The following GARIN1A variants were observed in gnomAD, a reference collection of about 807,000 sequenced individuals.
GARIN1A encodes the protein Golgi-associated RAB2 interactor protein 1A.
the GARIN1A span, among the ~76,000 whole-genome samples, chr7:128,673,926 G>T: frequency 6.6e-5 from 10 of 151,092 alleles, no homozygotes; most frequent in African/African-American, 2.4e-4. Flanking sequence ...CTTTTTTTTT[G>T]AGATGGAGTC....
chr7:128,681,757 C>T, the GARIN1A span, among the ~76,000 whole-genome samples: 1 of 151,978 alleles, frequency 6.6e-6, no homozygotes, highest in Non-Finnish European at 1.5e-5. Flanking sequence ...CCTACCTTGA[C>T]CTCCTAAAGT....
the GARIN1A span, among the ~76,000 whole-genome samples, chr7:128,681,897 C>A: frequency 6.6e-6 from 1 of 150,586 alleles, no homozygotes; most frequent in Non-Finnish European, 1.5e-5. Flanking sequence ...CCCCACAACC[C>A]CCCTGGCCAT....
At chr7:128,696,664 C>CA in the GARIN1A span, among the ~76,000 whole-genome samples, 8 of 151,278 alleles carry the variant, frequency 5.3e-5, no homozygotes, top group Non-Finnish European at 1.0e-4. Context: ...GACCCTGTCT[C>CA]AAAAAAAAGA....
chr7:128,678,419 T>G, the GARIN1A span, among the ~76,000 whole-genome samples: 83 of 152,310 alleles, frequency 5.4e-4, no homozygotes, highest in African/African-American at 1.9e-3. Context: ...GAAGTAGAAT[T>G]CAAACAGCAT....
At chr7:128,697,647 G>GC in the GARIN1A span, 2 of 153,460 alleles carry the variant, frequency 1.3e-5, no homozygotes, top group Non-Finnish European at 2.9e-5. Context: ...CTCCGTCGCA[G>GC]CCCGGGACCT....
At chr7:128,672,289 G>A in the GARIN1A span, 11 of 910,992 alleles carry the variant, frequency 1.2e-5, no homozygotes, top group African/African-American at 1.7e-4. Context: ...TAAGTAAATG[G>A]GGAGGAAATG....
At chr7:128,672,652 G>A in the GARIN1A span, 6 of 723,116 alleles carry the variant, frequency 8.3e-6, no homozygotes, top group South Asian at 1.1e-4. Flanking sequence ...CTGGGGGAGG[G>A]GGGGGCGGGG....
the GARIN1A span, among the ~76,000 whole-genome samples, chr7:128,682,722 C>A: frequency 6.6e-6 from 1 of 152,058 alleles, no homozygotes; most frequent in Non-Finnish European, 1.5e-5. Flanking sequence ...GAATTACAGG[C>A]GTGTGCCACA....
the GARIN1A span, chr7:128,672,509 T>A: frequency 5.6e-6 from 9 of 1,610,296 alleles, no homozygotes; most frequent in Admixed American, 1.7e-5. Flanking sequence ...AGAATTCAAT[T>A]TGTTCTCCAA....
At chr7:128,683,015 CTCTCCAGTGGCA>C in the GARIN1A span, 143 of 1,610,526 alleles carry the variant, frequency 8.9e-5, no homozygotes, top group African/African-American at 1.7e-3. Flanking sequence ...ACAAGATACC[CTCTCCAGTGGCA>C]TCTCCAATCA....
At chr7:128,678,786 T>A in the GARIN1A span, among the ~76,000 whole-genome samples, 11 of 141,592 alleles carry the variant, frequency 7.8e-5, no homozygotes, top group East Asian at 2.1e-3. Flanking sequence ...GGCGAAAGAG[T>A]GAAACTCCAT....
the GARIN1A span, among the ~76,000 whole-genome samples, chr7:128,689,514 CG>C: frequency 4.0e-5 from 6 of 149,152 alleles, no homozygotes; most frequent in African/African-American, 1.5e-4. Flanking sequence ...CCCCTCCGCC[CG>C]GCAGCCGCCC....
chr7:128,685,896 A>C, the GARIN1A span: 3 of 152,188 alleles, frequency 2.0e-5, no homozygotes, highest in African/African-American at 7.2e-5. Context: ...AGCCTTCATC[A>C]GCCCTCACCT....
At chr7:128,681,579 A>G in the GARIN1A span, among the ~76,000 whole-genome samples, 1 of 149,576 alleles carries the variant, frequency 6.7e-6, no homozygotes, top group African/African-American at 2.5e-5. Flanking sequence ...TTGGCTCACT[A>G]CAGCCTCAAT....
At chr7:128,671,841 T>TA in the GARIN1A span, among the ~76,000 whole-genome samples, 1,696 of 142,176 alleles carry the variant, frequency 0.012, 22 homozygotes, top group African/African-American at 0.036. Context: ...TCCATTTCTT[T>TA]AAAAAAAAAA....
At chr7:128,672,931 G>A in the GARIN1A span, among the ~76,000 whole-genome samples, 1 of 152,176 alleles carries the variant, frequency 6.6e-6, no homozygotes, top group Non-Finnish European at 1.5e-5. Flanking sequence ...GTCTGGGATG[G>A]TTTAGAAACA....
the GARIN1A span, chr7:128,677,893 A>G: frequency 8.2e-7 from 1 of 1,221,846 alleles, no homozygotes; most frequent in African/African-American, 1.5e-5. Context: ...ATATATATAG[A>G]CTTGTTTCCA....
At chr7:128,697,753 G>A in the GARIN1A span, 1 of 161,446 alleles carries the variant, frequency 6.2e-6, no homozygotes, top group Non-Finnish European at 1.3e-5. Context: ...AGATGTGGCC[G>A]CATTTAGGAC....
At chr7:128,672,626 G>A in the GARIN1A span, 1 of 761,026 alleles carries the variant, frequency 1.3e-6, no homozygotes, top group Non-Finnish European at 1.8e-6. Context: ...AGGAGATGCT[G>A]TGGCCTTTTA....
Sources: gnomAD v4.1 joint callset for allele counts (sites outside exome capture counted in the v4.1 genomes callset) on GRCh38, gnomAD v4.1.1 for gene constraint, MANE v1.5 for transcripts, NCBI Gene and HGNC (gene_info 2026-07-23, HGNC 2026-07-21) for gene names.